The following MCM8 variants were observed in gnomAD, a reference collection of about 807,000 sequenced individuals.
The protein encoded by MCM8 is minichromosome maintenance 8 homologous recombination repair factor.
MCM8 carries 85 observed loss-of-function variants against 98.9 expected under a neutral mutation model. That is an observed-to-expected ratio of 0.86 (90% confidence interval 0.72 to 1.03). MCM8 has a LOEUF of 1.03. Among genes scored for constraint, MCM8 ranks in the 50% least tolerant of loss-of-function variants. The probability of loss-of-function intolerance (pLI) is 0.00; values close to 1 mark genes in which losing one functional copy is unlikely to be tolerated. For synonymous variants in MCM8, 352 were observed against 338.6 expected, an observed-to-expected ratio of 1.04 and a Z score of -0.44; for missense variants, 951 against 997.8, an observed-to-expected ratio of 0.95 and a Z score of 0.63.
At chr20:5,972,285 A>G (rs1355671210) in intron 11 of MCM8, among the ~76,000 whole-genome samples, 1 of 151,756 alleles carries the variant, frequency 6.6e-6, no homozygotes, top group Non-Finnish European at 1.5e-5. Context: ...GCTCACTGCA[A>G]CCTCCAGCTT....
Position 5,994,495 on chromosome 20 carries a change from A to G in MCM8, c.*104A>G. Reference sequence around the variant, plus strand: ...GACAGACAGACACACACACACACACACACACACACACACACACACACACAC... The same window carrying G: ...GACAGACAGACACACACACACACACGCACACACACACACACACACACACAC... On this transcript the variant is annotated 3_prime_UTR_variant, in exon 19 of 19. Transcript: ENST00000610722. 1.7e-6 allele frequency: 1 copy of G among 587,558 alleles called. No homozygotes were observed. The highest frequency in any genetic ancestry group is 2.2e-5 in the South Asian group (1 of 44,662). The allele number at this position is 587,558 out of a possible 1,614,324, so 36.4% of individuals were successfully genotyped here.
Position 5,986,373 on chromosome 20 carries a change from TTGAC to T in MCM8, c.2163+248_2163+251del, listed in dbSNP as rs1321454937. Among the ~76,000 whole-genome samples, 9 of 152,240 alleles carry T rather than the reference TTGAC, an allele frequency of 5.9e-5. No homozygotes were observed. In the East Asian group the frequency reaches 1.5e-3, roughly 26 times the overall value. ...CATGCAACTTTTCTTTTGTTTTTCT[TTGAC>T]TGACTCTTAGGAGACTCCTGGAATA... On this transcript the variant is annotated intron_variant, in intron 16 of 18. Coordinates refer to ENST00000610722, the MANE Select transcript of MCM8 (RefSeq NM_032485.6).
chr20:5,987,711 C>CT (rs957084766), intron 17 of MCM8, among the ~76,000 whole-genome samples: 2 of 152,204 alleles, frequency 1.3e-5, no homozygotes, highest in East Asian at 3.9e-4. Context: ...ATCCAGAGAT[C>CT]TTTTTTTATT....
chr20:5,977,390 C>T (rs776753736), intron 12 of MCM8, among the ~76,000 whole-genome samples: 2 of 152,250 alleles, frequency 1.3e-5, no homozygotes, highest in African/African-American at 2.4e-5. Flanking sequence ...GTCTGTCTGA[C>T]TCCAGAGAGC....
Position 5,977,961 on chromosome 20 carries a change from A to G in MCM8, c.1481A>G (p.Asp494Gly), listed in dbSNP as rs769547473. The G allele has an allele frequency of 1.2e-6, 2 of 1,614,238 alleles. No individual in the cohort carries two copies. The highest frequency in any genetic ancestry group is 1.7e-6 in the Non-Finnish European group (2 of 1,180,044). The change falls in exon 13 of 19, where the codon GAT becomes GGT. Residue 494 changes from aspartate (D) to glycine (G), a missense_variant. Coordinates refer to ENST00000610722, the MANE Select transcript of MCM8 (RefSeq NM_032485.6). Reference protein sequence around the residue: ...TSGLTVTLSKDSSSGDFALEA... With the variant: ...TSGLTVTLSKGSSSGDFALEA... Reference sequence around the variant, plus strand: ...GGTCTGACGGTAACTCTTTCAAAAGATAGTTCCTCTGGAGATTTTGCTTTG... The same window carrying G: ...GGTCTGACGGTAACTCTTTCAAAAGGTAGTTCCTCTGGAGATTTTGCTTTG...
chr20:5,994,418 T>G lies in MCM8; in HGVS notation c.*27T>G, dbSNP rs2089916185. The G allele has an allele frequency of 6.7e-7, 1 of 1,486,560 alleles. No individual in the cohort carries two copies. 92.1% of individuals were successfully genotyped at this position (1,486,560 alleles called of 1,614,324 possible). On this transcript the variant is annotated 3_prime_UTR_variant, in exon 19 of 19. Transcript: ENST00000610722. ...AGGACTTCACCAAGTTAGGGCCTCC[T>G]GGGTTTATTGCAGATTAAAGCCATC...
At chr20:5,958,429 A>G in intron 6 of MCM8, 99 bp from the exon 7 acceptor site, 1 of 847,866 alleles carries the variant, frequency 1.2e-6, no homozygotes, top group Non-Finnish European at 1.9e-6. Flanking sequence ...TATCGAAGGG[A>G]TGATTTGATT....
At position 5,995,646 on chromosome 20, in the gene MCM8, G is replaced by A. The variant is rs777367199; in HGVS notation, c.*1255G>A. The A allele has an allele frequency of 1.3e-5, 2 of 152,340 alleles. No individual in the cohort carries two copies. The highest frequency in any genetic ancestry group is 6.5e-5 in the Admixed American group (1 of 15,310). The allele number at this position is 152,340 out of a possible 1,614,324, so 9.4% of individuals were successfully genotyped here. A position where few individuals can be genotyped will look rare whatever the true frequency, so the allele number is the denominator to read the frequency against. On this transcript the variant is annotated 3_prime_UTR_variant, in exon 19 of 19. Transcript: ENST00000610722. ...ATGTTATATGCCCCTTTCATAGGCT[G>A]CTAGGGAGTTTTCCTGGTTCTACTT...
chr20:5,969,515 C>G lies in MCM8; in HGVS notation c.1223+1490C>G, dbSNP rs538955129. ...GCTGAGACAGGAGAATCTCTTGAAC[C>G]TGGGAGGCGGAGGTTGCAGTGATCT... On this transcript the variant is annotated intron_variant, in intron 10 of 18. Transcript: ENST00000610722. 6.2e-4 allele frequency among the ~76,000 whole-genome samples: 94 copies of G among 151,384 alleles called. 1 individual carries two copies. The highest frequency in any genetic ancestry group is 2.2e-3 in the African/African-American group (89 of 41,304).
chr20:5,988,163 A>G (rs1329501087), intron 17 of MCM8, among the ~76,000 whole-genome samples: 1 of 151,994 alleles, frequency 6.6e-6, no homozygotes, highest in Non-Finnish European at 1.5e-5. Context: ...CAAAATTCCA[A>G]AGTTCAAAAA....
Position 5,973,211 on chromosome 20 carries a change from A to T in MCM8, c.1395+15A>T. 1 of 1,612,078 alleles carries T rather than the reference A, an allele frequency of 6.2e-7. No individual in the cohort carries two copies. The highest frequency in any genetic ancestry group is 1.3e-5 in the African/African-American group (1 of 75,032). ...AAATGCTACAGGTAGACAATCAGTC[A>T]TTTAGTGTTTGTTCTTTTGCTTGTA... On this transcript the variant is annotated intron_variant, in intron 12 of 18. Transcript: ENST00000610722.
At chr20:5,993,953 C>T (rs569494763) in intron 18 of MCM8, 41 of 362,950 alleles carry the variant, frequency 1.1e-4, no homozygotes, top group African/African-American at 8.5e-4. Context: ...TATACCAATT[C>T]CTACTTCAAA....
Position 5,963,277 on chromosome 20 carries a change from C to CTTTAT in MCM8, c.793_794insTTTAT (p.Pro265LeufsTer34). 1 of 1,612,494 alleles carries CTTTAT rather than the reference C, an allele frequency of 6.2e-7. No homozygotes were observed. The highest frequency in any genetic ancestry group is 8.5e-7 in the Non-Finnish European group (1 of 1,178,594). On this transcript the variant is annotated frameshift_variant, in exon 8 of 19. Coordinates refer to ENST00000610722, the MANE Select transcript of MCM8 (RefSeq NM_032485.6). LOFTEE classifies it high-confidence loss of function. ...GAATTACTTTTGTTTCATTCAGTGTCCTGTGCCTGTGTGTCGAGGCAGGTC... is the reference window on the plus strand; with the variant it reads ...GAATTACTTTTGTTTCATTCAGTGTCTTTATCTGTGCCTGTGTGTCGAGGCAGGTC...
rs1192509051 is a variant in MCM8 at position 5,973,153 on chromosome 20, T to G, written c.1352T>G (p.Leu451Arg). 1 of 1,614,188 alleles carries G rather than the reference T, an allele frequency of 6.2e-7. No individual in the cohort carries two copies. ...CCAATTCGGGGAGACCCCCACATCC[T>G]TGTTGTTGGAGATCCAGGCCTAGGA... Reference protein sequence around the residue: ...RIPIRGDPHILVVGDPGLGKS... With the variant: ...RIPIRGDPHIRVVGDPGLGKS... Residue 451 changes from leucine (L) to arginine (R), a missense_variant, in exon 12 of 19, where the codon CTT becomes CGT. Leu to Arg is a moderately radical substitution (Grantham distance 102). Transcript: ENST00000610722.
intron 5 of MCM8, among the ~76,000 whole-genome samples, chr20:5,956,153 G>A (rs555845662): frequency 6.6e-6 from 1 of 152,052 alleles, no homozygotes; most frequent in African/African-American, 2.4e-5. Context: ...AAGTGCTGGG[G>A]CATTCAGAGG....
intron 12 of MCM8, 125 bp downstream of exon 12, chr20:5,973,321 A>G: frequency 8.1e-7 from 1 of 1,237,354 alleles, no homozygotes; most frequent in Non-Finnish European, 1.1e-6. Flanking sequence ...GCGTAAATGA[A>G]TTGGAATTTG....
intron 17 of MCM8, among the ~76,000 whole-genome samples, 188 bp downstream of exon 17, chr20:5,987,546 G>A (rs984639174): frequency 6.6e-6 from 1 of 151,920 alleles, no homozygotes; most frequent in Non-Finnish European, 1.5e-5. Flanking sequence ...AAATTTTTTT[G>A]AATGAGTAAT....
At chr20:5,968,122 C>A in intron 10 of MCM8, 97 bp downstream of exon 10, 1 of 955,012 alleles carries the variant, frequency 1.0e-6, no homozygotes, top group Non-Finnish European at 1.6e-6. Context: ...GGTCGGCAAA[C>A]TACAGTCCAT....
intron 12 of MCM8, among the ~76,000 whole-genome samples, chr20:5,975,148 A>G (rs1345988351): frequency 2.6e-5 from 4 of 151,966 alleles, no homozygotes; most frequent in African/African-American, 9.7e-5. Context: ...AGTCCCTGCT[A>G]CTCCGGAGGC....
Sources: gnomAD v4.1 joint callset for allele counts (sites outside exome capture counted in the v4.1 genomes callset) on GRCh38, gnomAD v4.1.1 for gene constraint, MANE v1.5 for transcripts, NCBI Gene and HGNC (gene_info 2026-07-23, HGNC 2026-07-21) for gene names.